The following EYS variants were observed in gnomAD, a reference collection of about 807,000 sequenced individuals.
EYS encodes the protein protein eyes shut homolog.
Under a neutral mutation model 282.1 loss-of-function variants are expected in EYS, and 250 were observed. The observed-to-expected ratio is 0.89, with a 90% CI of 0.80 to 0.98. The LOEUF is 0.98. EYS is among the 50% of genes least tolerant of loss of function. The probability of loss-of-function intolerance (pLI) is 0.00; values close to 1 mark genes in which losing one functional copy is unlikely to be tolerated. For synonymous variants in EYS, 1,355 were observed against 1,282.9 expected (o/e 1.06, Z -1.20); for missense variants, 4,016 against 3,709.0 (o/e 1.08, Z -2.15).
At chr6:64,258,791 T>A (rs1447656196) in intron 30 of EYS, among the ~76,000 whole-genome samples, 1 of 78,158 alleles carries the variant, frequency 1.3e-5, no homozygotes, top group African/African-American at 4.8e-5. Flanking sequence ...GAGCCCTTCC[T>A]TTACAGTTTT....
intron 30 of EYS, among the ~76,000 whole-genome samples, chr6:64,261,998 G>T (rs1265734682): frequency 6.6e-6 from 1 of 152,034 alleles, no homozygotes; most frequent in East Asian, 1.9e-4. Context: ...CAAGCAATTT[G>T]CTCGCCTTGG....
intron 12 of EYS, among the ~76,000 whole-genome samples, chr6:65,283,390 T>A (rs12191911): frequency 6.6e-6 from 1 of 152,034 alleles, no homozygotes; most frequent in Admixed American, 6.6e-5. Flanking sequence ...AAATTAGTTT[T>A]ATATCTTACT....
chr6:65,643,539 T>A (rs906603871), intron 1 of EYS, among the ~76,000 whole-genome samples: 1 of 152,066 alleles, frequency 6.6e-6, no homozygotes. Context: ...AACCAGACAT[T>A]CCTAGGGCAA....
At chr6:64,947,653 C>CTT (rs67440131) in intron 14 of EYS, among the ~76,000 whole-genome samples, 5 of 129,302 alleles carry the variant, frequency 3.9e-5, no homozygotes, top group Admixed American at 7.9e-5. Context: ...CTTATTTTTT[C>CTT]TTTTTTTTTT....
chr6:64,481,280 A>G (rs1470411008), intron 26 of EYS, among the ~76,000 whole-genome samples: 73 of 73,846 alleles, frequency 9.9e-4, no homozygotes, highest in Middle Eastern at 7.9e-3. Context: ...GTGTGTATAT[A>G]TATATATATA....
intron 12 of EYS, among the ~76,000 whole-genome samples, chr6:65,291,341 G>A (rs1199556637): frequency 6.6e-6 from 1 of 151,544 alleles, no homozygotes; most frequent in Non-Finnish European, 1.5e-5. Context: ...CCTGCACACT[G>A]TTGGTTGAAG....
chr6:63,805,167 T>C (rs1582224151), intron 37 of EYS, among the ~76,000 whole-genome samples: 1 of 152,210 alleles, frequency 6.6e-6, no homozygotes, highest in East Asian at 1.9e-4. Context: ...AATATGTTGA[T>C]CTCACAGATG....
intron 22 of EYS, among the ~76,000 whole-genome samples, chr6:64,707,423 A>C (rs1562146731): frequency 6.6e-6 from 1 of 152,046 alleles, no homozygotes; most frequent in African/African-American, 2.4e-5. Flanking sequence ...TAATCCCAGC[A>C]CTTTGGGAGA....
chr6:65,326,018 A>G (rs539833107), intron 11 of EYS, among the ~76,000 whole-genome samples: 6 of 152,220 alleles, frequency 3.9e-5, no homozygotes, highest in African/African-American at 1.4e-4. Flanking sequence ...CTTTGATCAT[A>G]ATTTTAATGG....
chr6:64,799,097 C>T (rs1378916907), intron 22 of EYS, among the ~76,000 whole-genome samples: 2 of 151,944 alleles, frequency 1.3e-5, no homozygotes, highest in South Asian at 2.1e-4. Context: ...TTCAAAAGGA[C>T]CCTCTCTCAT....
intron 2 of EYS, among the ~76,000 whole-genome samples, chr6:65,577,472 C>A (rs354349): frequency 0.27 from 40,635 of 151,504 alleles, 5,709 homozygotes; most frequent in Middle Eastern, 0.38. Flanking sequence ...TATACAACTA[C>A]TAGGAAAAAA....
chr6:64,123,090 G>T (rs1422273502), intron 31 of EYS, among the ~76,000 whole-genome samples: 1 of 152,132 alleles, frequency 6.6e-6, no homozygotes, highest in Admixed American at 6.5e-5. Context: ...GGTAGCATAT[G>T]CTTTTTGAAG....
intron 8 of EYS, among the ~76,000 whole-genome samples, chr6:65,373,433 G>A (rs1421885201): frequency 6.6e-6 from 1 of 151,908 alleles, no homozygotes; most frequent in Admixed American, 6.6e-5. Context: ...GCTTGGGAAA[G>A]CCTCTGCTCC....
chr6:64,137,130 G>A (rs1774187345), intron 31 of EYS, among the ~76,000 whole-genome samples: 1 of 152,082 alleles, frequency 6.6e-6, no homozygotes. Flanking sequence ...CATGGAGATG[G>A]CTTCTTAAAC....
intron 22 of EYS, among the ~76,000 whole-genome samples, chr6:64,656,084 T>C (rs140024276): frequency 1.5e-3 from 226 of 152,302 alleles, no homozygotes; most frequent in African/African-American, 5.1e-3. Context: ...TATTTGTCAA[T>C]TACCTATTAT....
chr6:65,174,808 T>C (rs549245066), intron 12 of EYS, among the ~76,000 whole-genome samples: 53 of 151,534 alleles, frequency 3.5e-4, no homozygotes, highest in African/African-American at 1.3e-3. Flanking sequence ...TACATTTGTA[T>C]GTATTATAAT....
chr6:64,189,327 C>T (rs563616696), intron 31 of EYS, among the ~76,000 whole-genome samples: 40 of 152,156 alleles, frequency 2.6e-4, no homozygotes, highest in Non-Finnish European at 4.9e-4. Flanking sequence ...CACCCATGAG[C>T]TAAGAATAGT....
rs991437195 is a variant in EYS at position 64,661,574 on chromosome 6, G to A, written c.3444-35329C>T. Among the ~76,000 whole-genome samples, 209 of 151,902 alleles carry A rather than the reference G, an allele frequency of 1.4e-3. 1 individual carries two copies. The highest frequency in any genetic ancestry group is 4.9e-3 in the African/African-American group (203 of 41,368). ...CAACCCCATCAAAAATTGGGCGAAG[G>A]ATATGAACAGACACTTCTCAAAAGA... is the stretch of plus-strand genomic sequence containing the variant. On this transcript the variant is annotated intron_variant, in intron 22 of 42. Transcript: ENST00000503581.
At chr6:64,505,106 G>T (rs62415784) in intron 26 of EYS, among the ~76,000 whole-genome samples, 1 of 152,106 alleles carries the variant, frequency 6.6e-6, no homozygotes, top group African/African-American at 2.4e-5. Context: ...TAGTTATGAG[G>T]CTGCAAGAGT....
Sources: gnomAD v4.1 joint callset for allele counts (sites outside exome capture counted in the v4.1 genomes callset) on GRCh38, gnomAD v4.1.1 for gene constraint, MANE v1.5 for transcripts, NCBI Gene and HGNC (gene_info 2026-07-23, HGNC 2026-07-21) for gene names.